Variants in MKLN1 observed in about 807,000 individuals in gnomAD.
MKLN1 encodes muskelin.
In MKLN1, 18 loss-of-function variants were observed where a neutral mutation model predicts 99.0. That is an observed-to-expected ratio of 0.18 (90% CI 0.13 to 0.27). The LOEUF is 0.27. Among genes scored for constraint, MKLN1 ranks in the 10% least tolerant of loss-of-function variants. The pLI, the probability that MKLN1 is intolerant of heterozygous loss-of-function variation, is 1.00. For missense variants in MKLN1, 621 were observed against 875.9 expected (o/e 0.71, Z 3.67); for synonymous variants, 288 against 293.2 (o/e 0.98, Z 0.18).
chr7:131,359,589 G>A (rs1245477063), intron 1 of MKLN1, among the ~76,000 whole-genome samples: 2 of 152,078 alleles, frequency 1.3e-5, no homozygotes, highest in Non-Finnish European at 2.9e-5. Context: ...ATATTGATGT[G>A]TCCAATTATA....
intron 2 of MKLN1, among the ~76,000 whole-genome samples, chr7:131,167,753 G>A (rs1259082401): frequency 2.0e-5 from 3 of 151,786 alleles, no homozygotes; most frequent in Admixed American, 6.6e-5. Flanking sequence ...CAAGAAATTG[G>A]AAAGATTCTA....
intron 2 of MKLN1, among the ~76,000 whole-genome samples, chr7:131,157,917 A>G (rs1218517706): frequency 6.6e-6 from 1 of 152,104 alleles, no homozygotes; most frequent in East Asian, 1.9e-4. Flanking sequence ...TCCGGAGCCT[A>G]TTAAGGAATG....
chr7:131,426,330 T>G (rs1319849610), intron 8 of MKLN1, among the ~76,000 whole-genome samples: 1 of 152,214 alleles, frequency 6.6e-6, no homozygotes, highest in African/African-American at 2.4e-5. Context: ...AAAGGTCAAT[T>G]GCTATTGCTA....
intron 2 of MKLN1, chr7:131,143,039 A>T: frequency 1.2e-6 from 1 of 825,128 alleles, no homozygotes; most frequent in African/African-American, 1.8e-5. Context: ...TGGAGTCTTC[A>T]TCAGAAGATG....
At chr7:131,387,306 C>A in intron 3 of MKLN1, 44 bp downstream of exon 3, 1 of 1,545,662 alleles carries the variant, frequency 6.5e-7, no homozygotes, top group Non-Finnish European at 8.7e-7. Context: ...CTAAACAAAA[C>A]GTAGTCTTAG....
intron 2 of MKLN1, among the ~76,000 whole-genome samples, chr7:131,190,706 G>A (rs938891377): frequency 3.3e-5 from 5 of 152,254 alleles, no homozygotes; most frequent in Admixed American, 6.5e-5. Context: ...ATCTACTTGT[G>A]TGACCACCCA....
rs747743856 is a variant in MKLN1 at position 131,488,559 on chromosome 7, G to A, written c.*831G>A. 1 of 152,520 alleles carries A rather than the reference G, an allele frequency of 6.6e-6. No homozygotes were observed. The highest frequency in any genetic ancestry group is 1.5e-5 in the Non-Finnish European group (1 of 68,000). 9.4% of individuals were successfully genotyped at this position (152,520 alleles called of 1,614,324 possible). The stretch of plus-strand genomic sequence containing the variant: ...AGTGACCAGCAGGAGGGATCTAGTA[G>A]TGAATAATATCTTAATAGCAATTTT... On this transcript the variant is annotated 3_prime_UTR_variant, in exon 18 of 18. Coordinates refer to ENST00000352689, the MANE Select transcript of MKLN1 (RefSeq NM_013255.5).
chr7:131,482,724 G>A (rs1296848060), intron 17 of MKLN1, among the ~76,000 whole-genome samples: 1 of 152,106 alleles, frequency 6.6e-6, no homozygotes, highest in Non-Finnish European at 1.5e-5. Flanking sequence ...CTCCTAATAG[G>A]TCACTTTCTT....
At chr7:131,110,515 G>A (rs186988336) in intron 1 of MKLN1, among the ~76,000 whole-genome samples, 143 of 152,288 alleles carry the variant, frequency 9.4e-4, no homozygotes, top group African/African-American at 3.2e-3. Context: ...TTAAGGTGCA[G>A]CTGAGTAGGA....
intron 1 of MKLN1, among the ~76,000 whole-genome samples, chr7:131,347,232 C>T (rs1316234453): frequency 6.6e-6 from 1 of 152,176 alleles, no homozygotes; most frequent in Non-Finnish European, 1.5e-5. Context: ...AAGAAAGGCT[C>T]AGTTGAAGTC....
chr7:131,242,928 G>A (rs1797428200), intron 3 of MKLN1: 4 of 656,520 alleles, frequency 6.1e-6, no homozygotes, highest in South Asian at 5.5e-5. Context: ...GGCCCGATGA[G>A]AGGCCAAGGT....
Position 131,423,680 on chromosome 7 carries a change from A to G in MKLN1, c.848-5353A>G, listed in dbSNP as rs556287506. 2.1e-3 allele frequency among the ~76,000 whole-genome samples: 327 copies of G among 152,284 alleles called. 1 individual carries two copies. Among genetic ancestry groups the G allele is most frequent in the African/African-American group, 7.4e-3 (306 of 41,548 alleles). ...ATGTGGTACCACATAGTTTTTCTTGATGTTCCTTAAAGAAACTTTTGAAGA... is the reference window on the plus strand; with the variant it reads ...ATGTGGTACCACATAGTTTTTCTTGGTGTTCCTTAAAGAAACTTTTGAAGA... On this transcript the variant is annotated intron_variant, in intron 8 of 17. Transcript: ENST00000352689.
intron 2 of MKLN1, among the ~76,000 whole-genome samples, chr7:131,188,237 G>C (rs185122034): frequency 7.9e-5 from 12 of 152,300 alleles, no homozygotes; most frequent in Admixed American, 2.6e-4. Context: ...TAGCCATGGG[G>C]GGCGTTGGGG....
chr7:131,369,087 A>G (rs1461675572), intron 1 of MKLN1, among the ~76,000 whole-genome samples: 1 of 152,108 alleles, frequency 6.6e-6, no homozygotes, highest in Non-Finnish European at 1.5e-5. Flanking sequence ...TGTATCTTGC[A>G]TAGTAGAAAT....
At chr7:131,314,566 G>C (rs959192640) in intron 3 of MKLN1, among the ~76,000 whole-genome samples, 7 of 152,118 alleles carry the variant, frequency 4.6e-5, no homozygotes, top group Non-Finnish European at 8.8e-5. Context: ...GGGACTACAG[G>C]CACCTGCCAC....
intron 8 of MKLN1, among the ~76,000 whole-genome samples, chr7:131,415,740 A>G (rs1794999787): frequency 1.3e-5 from 2 of 152,140 alleles, no homozygotes; most frequent in South Asian, 4.1e-4. Context: ...GCCTGAGAGT[A>G]TAATAAATAT....
intron 1 of MKLN1, among the ~76,000 whole-genome samples, chr7:131,112,364 C>T (rs1371464): frequency 6.6e-6 from 1 of 152,094 alleles, no homozygotes; most frequent in East Asian, 1.9e-4. Context: ...AAGCACTGAA[C>T]CTTTAATATC....
intron 3 of MKLN1, among the ~76,000 whole-genome samples, chr7:131,219,317 G>A (rs928918517): frequency 6.6e-6 from 1 of 152,040 alleles, no homozygotes; most frequent in Non-Finnish European, 1.5e-5. Flanking sequence ...GTAGGCACTT[G>A]ATAAATATTT....
intron 6 of MKLN1, among the ~76,000 whole-genome samples, chr7:131,408,469 G>A (rs1794774628): frequency 6.6e-6 from 1 of 152,126 alleles, no homozygotes; most frequent in African/African-American, 2.4e-5. Flanking sequence ...AAAAGTTTGA[G>A]TTTACCAAAT....
Sources: gnomAD v4.1 joint callset for allele counts (sites outside exome capture counted in the v4.1 genomes callset) on GRCh38, gnomAD v4.1.1 for gene constraint, MANE v1.5 for transcripts, NCBI Gene and HGNC (gene_info 2026-07-23, HGNC 2026-07-21) for gene names.